Variants in TNRC6B observed in about 807,000 individuals in gnomAD.
TNRC6B encodes the protein trinucleotide repeat containing adaptor 6B, also known as trinucleotide repeat-containing gene 6B protein.
Under a neutral mutation model 203.6 loss-of-function variants are expected in TNRC6B, and 52 were observed. That is an observed-to-expected ratio of 0.26 (90% CI 0.20 to 0.32). The LOEUF (loss-of-function observed/expected upper bound fraction) is 0.32, where lower values mean the gene tolerates loss of function less well. Among genes scored for constraint, TNRC6B ranks in the 10% least tolerant of loss-of-function variants. The pLI, the probability that TNRC6B is intolerant of heterozygous loss-of-function variation, is 1.00. For synonymous variants in TNRC6B, 838 were observed against 845.7 expected, an observed-to-expected ratio of 0.99 and a Z score of 0.16; for missense variants, 1,923 against 2,286.2, an observed-to-expected ratio of 0.84 and a Z score of 3.24.
At chr22:40,073,147 T>G (rs996373659) in intron 1 of TNRC6B, among the ~76,000 whole-genome samples, 32 of 149,940 alleles carry the variant, frequency 2.1e-4, no homozygotes, top group Non-Finnish European at 3.0e-4. Flanking sequence ...CTTGGTTTTT[T>G]TTTTTTTTTT....
Position 40,331,521 on chromosome 22 carries a change from T to G in TNRC6B, c.*8280T>G. The stretch of plus-strand genomic sequence containing the variant: ...TCCCACTCGATTCCTTCAGCTTCAT[T>G]CAGGAAGACACAGGGAGGAGAGATG... On this transcript the variant is annotated 3_prime_UTR_variant, in exon 23 of 23. Coordinates refer to ENST00000454349, the MANE Select transcript of TNRC6B (RefSeq NM_001162501.2). The G allele has an allele frequency of 2.7e-6, 1 of 372,326 alleles. No individual in the cohort carries two copies. Among genetic ancestry groups the G allele is most frequent in the African/African-American group, 2.1e-5 (1 of 48,314 alleles). The allele number at this position is 372,326 out of a possible 1,614,324, so 23.1% of individuals were successfully genotyped here.
At chr22:40,068,505 A>G (rs1027843962) in intron 1 of TNRC6B, among the ~76,000 whole-genome samples, 1 of 151,848 alleles carries the variant, frequency 6.6e-6, no homozygotes, top group African/African-American at 2.4e-5. Context: ...TTTAATAGAG[A>G]CGAGGTCTCA....
At chr22:40,137,323 T>C (rs2068608291) in intron 3 of TNRC6B, among the ~76,000 whole-genome samples, 1 of 152,230 alleles carries the variant, frequency 6.6e-6, no homozygotes, top group Admixed American at 6.5e-5. Flanking sequence ...ACGTAGCTGG[T>C]AAGCAACATC....
intron 9 of TNRC6B, among the ~76,000 whole-genome samples, chr22:40,278,922 G>C (rs978309223): frequency 6.6e-6 from 1 of 152,192 alleles, no homozygotes; most frequent in Non-Finnish European, 1.5e-5. Flanking sequence ...TGTATTTTTA[G>C]TAGGGACGGG....
intron 1 of TNRC6B, among the ~76,000 whole-genome samples, chr22:40,206,070 C>T (rs1257709330): frequency 6.6e-6 from 1 of 152,136 alleles, no homozygotes; most frequent in East Asian, 1.9e-4. Context: ...TAGAATTTTC[C>T]TCAGGAAAGT....
Position 40,170,591 on chromosome 22 carries a change from T to TAGTTTATATATATATTA in TNRC6B, c.113+14409_113+14410insAGTTTATATATATATTA. Among the ~76,000 whole-genome samples, 2 of 16,538 alleles carry TAGTTTATATATATATTA rather than the reference T, an allele frequency of 1.2e-4. 1 individual carries two copies. Among genetic ancestry groups the TAGTTTATATATATATTA allele is most frequent in the Admixed American group, 1.5e-3 (2 of 1,330 alleles). 10.8% of individuals were successfully genotyped at this position (16,538 alleles called of 152,430 possible). A position where few individuals can be genotyped will look rare whatever the true frequency, so the allele number is the denominator to read the frequency against. On this transcript the variant is annotated intron_variant, in intron 4 of 23. Transcript: ENST00000301923. ...ATTATATATATAGTTTATATATATA[T>TAGTTTATATATATATTA]TATATATAGTTTATATATATCCTAT... is the stretch of plus-strand genomic sequence containing the variant.
At chr22:40,177,069 A>G (rs1464311853), upstream of TNRC6B, among the ~76,000 whole-genome samples, 9 of 152,202 alleles carry the variant, frequency 5.9e-5, no homozygotes, top group Admixed American at 5.9e-4. Context: ...TGGAGATGCA[A>G]ACCGAGCTTG....
chr22:40,064,559 T>G (rs1026673064), intron 1 of TNRC6B, among the ~76,000 whole-genome samples: 6 of 152,154 alleles, frequency 3.9e-5, no homozygotes, highest in Non-Finnish European at 7.4e-5. Context: ...TTTTTGTATA[T>G]TAAGCTAACT....
chr22:40,125,529 A>G (rs1203553864), intron 2 of TNRC6B, among the ~76,000 whole-genome samples: 6 of 152,154 alleles, frequency 3.9e-5, no homozygotes, highest in African/African-American at 1.2e-4. Context: ...TAATATCCCA[A>G]TGCTGGAAAC....
At chr22:40,192,598 C>G (rs537499942) in intron 1 of TNRC6B, among the ~76,000 whole-genome samples, 1 of 151,910 alleles carries the variant, frequency 6.6e-6, no homozygotes, top group South Asian at 2.1e-4. Flanking sequence ...GCATAGGCAA[C>G]TGAGCGAGAC....
At chr22:40,312,712 G>C (rs2071202151) in intron 18 of TNRC6B, 61 bp downstream of exon 18, 1 of 1,562,960 alleles carries the variant, frequency 6.4e-7, no homozygotes, top group East Asian at 2.3e-5. Context: ...TTGTCAGTTT[G>C]TGACTTCATT....
At chr22:40,213,147 A>T (rs6001842) in intron 1 of TNRC6B, among the ~76,000 whole-genome samples, 7 of 152,054 alleles carry the variant, frequency 4.6e-5, no homozygotes, top group African/African-American at 1.7e-4. Context: ...AACTCCTGCC[A>T]CACCTGGAGT....
At position 40,265,163 on chromosome 22, in the gene TNRC6B, G is replaced by T; in HGVS notation, c.933G>T (p.Trp311Cys). The T allele has an allele frequency of 6.2e-7, 1 of 1,613,966 alleles. No homozygotes were observed. Among genetic ancestry groups the T allele is most frequent in the South Asian group, 1.1e-5 (1 of 91,084 alleles). Reference sequence around the variant, plus strand: ...ACCCAAATAGCAACCCATCTGCCTGGCCAGCACTGGTCCAAGAAGGAACTT... The same window carrying T: ...ACCCAAATAGCAACCCATCTGCCTGTCCAGCACTGGTCCAAGAAGGAACTT... ...NFNPNSNPSA[W>C]PALVQEGTSR... is the part of the protein sequence containing the mutation. The change falls in exon 5 of 23, where the codon TGG becomes TGT. Residue 311 changes from tryptophan to cysteine, a missense_variant. By Grantham distance (215) the Trp-to-Cys change is radical. Around this residue, in one of 8 missense-constraint regions of TNRC6B, gnomAD observed 614 missense variants for 587.7 expected, o/e 1.04. Transcript: ENST00000454349.
At chr22:40,072,022 T>G (rs2067953686) in intron 1 of TNRC6B, among the ~76,000 whole-genome samples, 1 of 152,128 alleles carries the variant, frequency 6.6e-6, no homozygotes, top group Admixed American at 6.5e-5. Context: ...CCTGACTGAT[T>G]TTTAAAAATC....
chr22:40,279,758 T>A (rs144179436), intron 9 of TNRC6B, among the ~76,000 whole-genome samples: 17 of 152,320 alleles, frequency 1.1e-4, no homozygotes, highest in African/African-American at 3.8e-4. Context: ...CTACAACAGA[T>A]ACATGTTTTG....
chr22:40,240,611 C>T (rs5757887), intron 1 of TNRC6B, among the ~76,000 whole-genome samples: 48,807 of 151,966 alleles, frequency 0.32, 9,594 homozygotes, highest in East Asian at 0.57. Context: ...CTTTGGAAGC[C>T]ATAGTAGAGA....
intron 1 of TNRC6B, among the ~76,000 whole-genome samples, chr22:40,242,676 C>T (rs998712002): frequency 1.3e-5 from 2 of 152,010 alleles, no homozygotes; most frequent in Non-Finnish European, 2.9e-5. Flanking sequence ...GTGATCCACC[C>T]GCCTTGGCCT....
chr22:40,090,638 C>T (rs546577394), intron 1 of TNRC6B, among the ~76,000 whole-genome samples: 2 of 152,218 alleles, frequency 1.3e-5, no homozygotes, highest in South Asian at 4.1e-4. Context: ...GACTTATCTT[C>T]TCATTCTCTC....
chr22:40,249,032 G>A (rs1164756304), intron 2 of TNRC6B, among the ~76,000 whole-genome samples: 1 of 152,214 alleles, frequency 6.6e-6, no homozygotes, highest in East Asian at 1.9e-4. Flanking sequence ...AAAGAATCGT[G>A]GAGAACGTGC....
Sources: allele counts gnomAD v4.1 joint callset (sites outside exome capture counted in the v4.1 genomes callset), GRCh38; gene constraint gnomAD v4.1.1; regional missense constraint gnomAD v4.1.1; transcripts MANE v1.5; gene names NCBI Gene and HGNC (gene_info 2026-07-23, HGNC 2026-07-21).